PRKN: variants seen among roughly 807,000 people sequenced by gnomAD.
PRKN encodes the protein parkin RBR E3 ubiquitin protein ligase, also known as E3 ubiquitin-protein ligase parkin.
A neutral mutation model predicts 59.5 loss-of-function variants in PRKN; 56 were observed. The ratio of observed to expected loss-of-function variants is 0.94; its 90% CI spans 0.76 to 1.18. PRKN has a LOEUF of 1.18. PRKN is among the 50% of genes most tolerant of loss of function. PRKN has a pLI of 0.00. For synonymous variants in PRKN, 250 were observed against 222.1 expected (o/e 1.13, Z -1.12); for missense variants, 657 against 596.4 (o/e 1.10, Z -1.06).
At chr6:162,297,174 C>CTT (rs10681721) in intron 2 of PRKN, among the ~76,000 whole-genome samples, 21,686 of 139,202 alleles carry the variant, frequency 0.16, 1,991 homozygotes, top group South Asian at 0.43. Flanking sequence ...TTTTTCTTTT[C>CTT]TTTTTTTTTT....
chr6:161,395,671 T>C lies in PRKN; in HGVS notation c.1084-8794A>G, dbSNP rs1786722933. On this transcript the variant is annotated intron_variant, in intron 9 of 11. Coordinates refer to ENST00000366898, the MANE Select transcript of PRKN (RefSeq NM_004562.3). The surrounding 1 kb of genome is among the most constrained non-coding windows in gnomAD (Gnocchi z 5.0). ...AGAATATCAAATACATCCCAGCACTTTTGCTAAGACCTTCTTTATACATGT... is the reference window on the plus strand; with the variant it reads ...AGAATATCAAATACATCCCAGCACTCTTGCTAAGACCTTCTTTATACATGT... 6.6e-6 allele frequency among the ~76,000 whole-genome samples: 1 copy of C among 152,158 alleles called. No individual in the cohort carries two copies. Among genetic ancestry groups the C allele is most frequent in the African/African-American group, 2.4e-5 (1 of 41,418 alleles).
At chr6:161,406,284 T>G (rs1278147573) in intron 9 of PRKN, among the ~76,000 whole-genome samples, 1 of 152,026 alleles carries the variant, frequency 6.6e-6, no homozygotes, top group African/African-American at 2.4e-5. Context: ...ACTTAGCATC[T>G]ACTTTTCTCA....
chr6:162,480,554 A>C (rs912579874), intron 1 of PRKN, among the ~76,000 whole-genome samples: 4 of 152,128 alleles, frequency 2.6e-5, no homozygotes, highest in Non-Finnish European at 4.4e-5. Context: ...GCAGTCACCC[A>C]AACAATGACC....
intron 5 of PRKN, among the ~76,000 whole-genome samples, chr6:162,009,871 G>C (rs113788966): frequency 3.3e-5 from 5 of 151,724 alleles, no homozygotes; most frequent in East Asian, 1.9e-4. Flanking sequence ...CAGAGGTGGA[G>C]GTTGCAGTGA....
chr6:161,615,099 T>C (rs1782641819), intron 7 of PRKN, among the ~76,000 whole-genome samples: 2 of 152,206 alleles, frequency 1.3e-5, no homozygotes, highest in Non-Finnish European at 1.5e-5. Context: ...GTTATTGCAA[T>C]TTTTTCCATT....
intron 1 of PRKN, among the ~76,000 whole-genome samples, chr6:162,469,542 C>T (rs1293461389): frequency 6.6e-6 from 1 of 151,200 alleles, no homozygotes; most frequent in Non-Finnish European, 1.5e-5. Context: ...ACACATACTA[C>T]TCAGCCATTA....
chr6:161,403,069 G>A (rs1289702319), intron 9 of PRKN, among the ~76,000 whole-genome samples: 2 of 152,086 alleles, frequency 1.3e-5, no homozygotes, highest in Non-Finnish European at 2.9e-5. Flanking sequence ...ATTTTGAGGT[G>A]GCATTTCCTG....
chr6:161,682,929 C>T (rs545980300), intron 7 of PRKN, among the ~76,000 whole-genome samples: 149 of 152,288 alleles, frequency 9.8e-4, no homozygotes, highest in East Asian at 4.6e-3. Flanking sequence ...CACTGTCTCC[C>T]GGCAAGGCTG....
intron 1 of PRKN, among the ~76,000 whole-genome samples, chr6:162,664,721 T>A (rs749969280): frequency 5.9e-5 from 9 of 152,162 alleles, no homozygotes; most frequent in Non-Finnish European, 8.8e-5. Context: ...CTTTGCCCAC[T>A]TTTTGATGCT....
At chr6:162,560,349 C>G (rs13201023) in intron 1 of PRKN, among the ~76,000 whole-genome samples, 15,066 of 152,120 alleles carry the variant, frequency 0.099, 908 homozygotes, top group Middle Eastern at 0.19. Context: ...AAAGAGCAGA[C>G]ATCAATTACC....
rs1777430614 is a variant in PRKN, at chr6:161,488,686, T to G, written c.1083+60168A>C. 6.6e-6 allele frequency among the ~76,000 whole-genome samples: 1 copy of G among 152,038 alleles called. No homozygotes were observed. The highest frequency in any genetic ancestry group is 2.4e-5 in the African/African-American group (1 of 41,462). On this transcript the variant is annotated intron_variant, in intron 9 of 11. Transcript: ENST00000366898. This position sits in a 1 kb window ranked among gnomAD's most constrained non-coding sequence, Gnocchi z 4.5. ...ATTTTTTGTAGAGGTGGGGTCTCAC[T>G]ATGTTGCCCAGGCTGGTCTTGAACT...
At position 162,360,108 on chromosome 6, in the gene PRKN, TGGGTGC is replaced by T. The variant is rs1459024899; in HGVS notation, c.171+83196_171+83201del. On this transcript the variant is annotated intron_variant, in intron 2 of 11. Transcript: ENST00000366898. ...GTGTGTGTGTGGGTGGGTGTGGGTG[TGGGTGC>T]GGGTGTGGGTGTGTGGTACCTGGAA... Among the ~76,000 whole-genome samples the T allele has an allele frequency of 2.9e-4, 44 of 152,068 alleles. No homozygotes were observed. The South Asian group carries it at 8.1e-3, about 28-fold the overall frequency.
At chr6:161,822,362 T>C (rs1259154911) in intron 6 of PRKN, among the ~76,000 whole-genome samples, 2 of 152,208 alleles carry the variant, frequency 1.3e-5, no homozygotes, top group African/African-American at 2.4e-5. Flanking sequence ...AGCTGAGGCA[T>C]GCATCTTGGA....
In PRKN at chr6:161,547,211, A is replaced by C. The variant is rs187156773; in HGVS notation, c.1083+1643T>G. On this transcript the variant is annotated intron_variant, in intron 9 of 11. Coordinates refer to ENST00000366898, the MANE Select transcript of PRKN (RefSeq NM_004562.3). The surrounding 1 kb of genome is among the most constrained non-coding windows in gnomAD (Gnocchi z 4.0). ...AACCAACAAATCGAAACAAATTAAG[A>C]TAAATTAAGAATACGCTACCTACAA... is the stretch of plus-strand genomic sequence containing the variant. 6.6e-5 allele frequency among the ~76,000 whole-genome samples: 10 copies of C among 152,374 alleles called. No homozygotes were observed. In the East Asian group the frequency reaches 1.2e-3, roughly 18 times the overall value.
intron 7 of PRKN, among the ~76,000 whole-genome samples, chr6:161,721,908 C>A (rs1372960537): frequency 6.6e-6 from 1 of 152,166 alleles, no homozygotes; most frequent in Non-Finnish European, 1.5e-5. Flanking sequence ...GCTTTCAGGT[C>A]CGGATAAAAT....
At chr6:162,230,942 C>A (rs1240794276) in intron 3 of PRKN, among the ~76,000 whole-genome samples, 1 of 152,190 alleles carries the variant, frequency 6.6e-6, no homozygotes, top group Non-Finnish European at 1.5e-5. Flanking sequence ...AAAGTAACAT[C>A]GTGGGTTCAG....
chr6:162,187,062 CAG>C (rs1187217028), intron 4 of PRKN, among the ~76,000 whole-genome samples: 1 of 152,110 alleles, frequency 6.6e-6, no homozygotes, highest in African/African-American at 2.4e-5. Context: ...TCTGTGATCC[CAG>C]AGTTTGTTAA....
At chr6:161,608,017 C>G (rs1782346286) in intron 7 of PRKN, among the ~76,000 whole-genome samples, 1 of 152,096 alleles carries the variant, frequency 6.6e-6, no homozygotes, top group African/African-American at 2.4e-5. Flanking sequence ...CCCAGACAAA[C>G]CATTGATCTA....
chr6:162,509,991 C>T (rs537526476), intron 1 of PRKN, among the ~76,000 whole-genome samples: 86 of 152,200 alleles, frequency 5.7e-4, no homozygotes, highest in Non-Finnish European at 9.9e-4. Context: ...ACTTCACATG[C>T]AACAAATCTC....
Sources: allele counts gnomAD v4.1 joint callset (sites outside exome capture counted in the v4.1 genomes callset), GRCh38; gene constraint gnomAD v4.1.1; non-coding constraint Gnocchi (gnomAD v3.1); transcripts MANE v1.5; gene names NCBI Gene and HGNC (gene_info 2026-07-23, HGNC 2026-07-21).